AFF3: variants seen among roughly 807,000 people sequenced by gnomAD.
AFF3 encodes AF4/FMR2 family member 3.
In AFF3, 32 loss-of-function variants were observed where a neutral mutation model predicts 129.7. The ratio of observed to expected loss-of-function variants is 0.25; its 90% CI spans 0.19 to 0.33. AFF3 has a LOEUF of 0.33. AFF3 is among the 10% of genes least tolerant of loss of function. The pLI is 1.00. For synonymous variants in AFF3, 644 were observed against 635.4 expected, an observed-to-expected ratio of 1.01 and a Z score of -0.20; for missense variants, 1,373 against 1,592.0, an observed-to-expected ratio of 0.86 and a Z score of 2.34.
In AFF3 at chr2:100,007,243, G is replaced by T. The variant is rs1439005621; in HGVS notation, c.392C>A (p.Ser131Tyr). 4.3e-6 allele frequency: 7 copies of T among 1,614,146 alleles called. No individual in the cohort carries two copies. Among genetic ancestry groups the T allele is most frequent in the Non-Finnish European group, 5.9e-6 (7 of 1,180,040 alleles). Reference sequence around the variant, plus strand: ...CTGCACGGGGACAGCTGCTGGTGTGGAAGTTGTAGTGCTACAGATAGACGA... The same window carrying T: ...CTGCACGGGGACAGCTGCTGGTGTGTAAGTTGTAGTGCTACAGATAGACGA... ...QPSSICSTTT[S>Y]TPAAVPVQQS... is the part of the protein sequence containing the mutation. The change falls in exon 6 of 25, where the codon TCC becomes TAC. Residue 131 changes from serine to tyrosine, a missense_variant. This residue lies in a region of AFF3 where 255 missense variants were observed against 256.0 expected (regional missense o/e 1.00). Coordinates refer to ENST00000672756, the MANE Select transcript of AFF3 (RefSeq NM_001386135.1).
At chr2:99,701,523 A>G (rs1676863589) in intron 11 of AFF3, among the ~76,000 whole-genome samples, 1 of 152,228 alleles carries the variant, frequency 6.6e-6, no homozygotes. Context: ...ATAGATTCAC[A>G]TGAAGGTGTC....
At chr2:99,855,670 G>A (rs1594110) in intron 7 of AFF3, among the ~76,000 whole-genome samples, 96,249 of 152,036 alleles carry the variant, frequency 0.63, 31,112 homozygotes, top group South Asian at 0.75. Flanking sequence ...AATATCTTGC[G>A]CATAAGAATT....
At chr2:99,605,200 A>G (rs1680208870) in intron 13 of AFF3, among the ~76,000 whole-genome samples, 1 of 152,226 alleles carries the variant, frequency 6.6e-6, no homozygotes, top group Non-Finnish European at 1.5e-5. Context: ...TAAATTACGA[A>G]ATTCACTTAA....
chr2:100,141,767 G>T (rs1473825855), intron 1 of AFF3, among the ~76,000 whole-genome samples: 1 of 152,012 alleles, frequency 6.6e-6, no homozygotes, highest in Non-Finnish European at 1.5e-5. Context: ...TGTGTATATT[G>T]CATTATATCA....
chr2:99,842,983 C>T (rs1453680225), intron 7 of AFF3, among the ~76,000 whole-genome samples: 2 of 152,188 alleles, frequency 1.3e-5, no homozygotes, highest in Non-Finnish European at 2.9e-5. Context: ...ATCACAATGC[C>T]TTTGTTTATC....
chr2:100,033,459 T>C (rs1684674820), intron 4 of AFF3, among the ~76,000 whole-genome samples: 2 of 152,330 alleles, frequency 1.3e-5, no homozygotes, highest in African/African-American at 4.8e-5. Flanking sequence ...TCTGAGTTAC[T>C]TGCAACTCTC....
At chr2:99,710,933 T>C (rs1187432365) in intron 11 of AFF3, among the ~76,000 whole-genome samples, 1 of 152,172 alleles carries the variant, frequency 6.6e-6, no homozygotes, top group African/African-American at 2.4e-5. Flanking sequence ...TCACTTGACT[T>C]CTGCCAGCTA....
chr2:99,590,516 C>G (rs1678562103), intron 15 of AFF3, among the ~76,000 whole-genome samples: 1 of 152,206 alleles, frequency 6.6e-6, no homozygotes, highest in South Asian at 2.1e-4. Context: ...CCATGAAAAG[C>G]TGGACCTGCA....
At chr2:100,134,755 TC>T (rs1277717052) in intron 1 of AFF3, among the ~76,000 whole-genome samples, 4 of 152,226 alleles carry the variant, frequency 2.6e-5, no homozygotes, top group African/African-American at 9.6e-5. Flanking sequence ...TGAAAAGTTA[TC>T]CAATCGTTCA....
chr2:99,921,610 T>C (rs984894322), intron 7 of AFF3, among the ~76,000 whole-genome samples: 4 of 152,164 alleles, frequency 2.6e-5, no homozygotes, highest in Admixed American at 2.0e-4. Flanking sequence ...CAACTTCCTA[T>C]AATTTTGAAA....
At chr2:99,621,423 T>A (rs1243046976) in intron 13 of AFF3, among the ~76,000 whole-genome samples, 1 of 152,200 alleles carries the variant, frequency 6.6e-6, no homozygotes, top group Non-Finnish European at 1.5e-5. Context: ...ACTTGCTGTA[T>A]ATAAAGTGGC....
At chr2:99,575,212 T>A (rs528921811) in intron 18 of AFF3, among the ~76,000 whole-genome samples, 2 of 152,258 alleles carry the variant, frequency 1.3e-5, no homozygotes, top group African/African-American at 4.8e-5. Context: ...CAGTGATCTC[T>A]TGAAGGTTGC....
intron 7 of AFF3, among the ~76,000 whole-genome samples, chr2:99,874,158 T>C (rs1020596448): frequency 6.6e-5 from 10 of 152,024 alleles, no homozygotes; most frequent in African/African-American, 1.7e-4. Context: ...GCCTGGGCGA[T>C]AGAGCTAGAC....
intron 7 of AFF3, among the ~76,000 whole-genome samples, chr2:99,884,408 T>C (rs560340814): frequency 5.0e-4 from 76 of 152,286 alleles, no homozygotes; most frequent in African/African-American, 1.8e-3. Flanking sequence ...TATGTATGTA[T>C]TTATTTTTGA....
intron 13 of AFF3, among the ~76,000 whole-genome samples, chr2:99,634,277 G>A (rs1558674511): frequency 6.6e-6 from 1 of 152,208 alleles, no homozygotes; most frequent in South Asian, 2.1e-4. Flanking sequence ...ACAAGACAAT[G>A]TGCATGCACA....
chr2:100,020,004 G>A (rs540934514), intron 4 of AFF3, among the ~76,000 whole-genome samples: 2 of 152,250 alleles, frequency 1.3e-5, no homozygotes, highest in South Asian at 4.2e-4. Context: ...AAAAGAGAAT[G>A]ATAGGCCCTC....
chr2:99,639,889 C>T (rs1684025843), intron 13 of AFF3, among the ~76,000 whole-genome samples: 1 of 151,870 alleles, frequency 6.6e-6, no homozygotes, highest in African/African-American at 2.4e-5. Context: ...GGTAGGGTTT[C>T]ACCATGTTGG....
intron 4 of AFF3, among the ~76,000 whole-genome samples, chr2:100,039,204 A>G (rs1357828004): frequency 1.3e-5 from 2 of 152,120 alleles, no homozygotes; most frequent in Non-Finnish European, 2.9e-5. Flanking sequence ...ATCTTATCGA[A>G]TTCACAGTCC....
At chr2:99,975,198 G>A (rs1405921622) in intron 7 of AFF3, among the ~76,000 whole-genome samples, 1 of 152,202 alleles carries the variant, frequency 6.6e-6, no homozygotes, top group African/African-American at 2.4e-5. Context: ...TTGGGCAAGT[G>A]AGGGATACAC....
Sources: allele counts gnomAD v4.1 joint callset (sites outside exome capture counted in the v4.1 genomes callset), GRCh38; gene constraint gnomAD v4.1.1; regional missense constraint gnomAD v4.1.1; transcripts MANE v1.5; gene names NCBI Gene and HGNC (gene_info 2026-07-23, HGNC 2026-07-21).